Variants in THRB observed in about 807,000 individuals in gnomAD.
THRB encodes the protein nuclear receptor subfamily 1 group A member 2.
In THRB, 12 loss-of-function variants were observed where a neutral mutation model predicts 47.8. The observed-to-expected ratio is 0.25, with a 90% CI of 0.16 to 0.41. The LOEUF is 0.41. Among genes scored for constraint, THRB ranks in the 10% least tolerant of loss-of-function variants. The pLI is 1.00. For synonymous variants in THRB, 218 were observed against 212.2 expected, an observed-to-expected ratio of 1.03 and a Z score of -0.24; for missense variants, 348 against 589.2, an observed-to-expected ratio of 0.59 and a Z score of 4.24.
intron 1 of THRB, among the ~76,000 whole-genome samples, chr3:24,433,668 T>G (rs2070667133): frequency 6.6e-6 from 1 of 152,170 alleles, no homozygotes; most frequent in African/African-American, 2.4e-5. Flanking sequence ...ATTCACCATC[T>G]CATAGGGGTT....
At chr3:24,298,417 T>C (rs1241029500) in intron 2 of THRB, among the ~76,000 whole-genome samples, 1 of 152,222 alleles carries the variant, frequency 6.6e-6, no homozygotes, top group African/African-American at 2.4e-5. Flanking sequence ...TGCAGTAAAG[T>C]TGACTTAATT....
intron 2 of THRB, among the ~76,000 whole-genome samples, chr3:24,336,365 C>T (rs928396456): frequency 6.0e-4 from 92 of 152,330 alleles, no homozygotes; most frequent in African/African-American, 2.1e-3. Flanking sequence ...GCCTGGCTCC[C>T]GCAGCCAGTG....
chr3:24,390,150 G>A (rs917043780), intron 1 of THRB, among the ~76,000 whole-genome samples: 2 of 152,072 alleles, frequency 1.3e-5, no homozygotes, highest in African/African-American at 4.8e-5. Flanking sequence ...CCAGAGGAAG[G>A]GGGAAAAAGG....
At chr3:24,417,130 ACACACACACG>A (rs1222040712) in intron 1 of THRB, among the ~76,000 whole-genome samples, 6 of 71,370 alleles carry the variant, frequency 8.4e-5, no homozygotes, top group African/African-American at 2.1e-4. Flanking sequence ...ACACACACAC[ACACACACACG>A]CGCAACGCGT....
intron 1 of THRB, among the ~76,000 whole-genome samples, chr3:24,442,910 C>T (rs561034174): frequency 1.8e-4 from 28 of 152,052 alleles, no homozygotes; most frequent in Admixed American, 7.9e-4. Context: ...GTGCTGGGCA[C>T]GGTGGCTCAC....
chr3:24,285,616 C>A (rs1424671288), intron 3 of THRB, among the ~76,000 whole-genome samples: 1 of 151,818 alleles, frequency 6.6e-6, no homozygotes, highest in East Asian at 1.9e-4. Flanking sequence ...ATTTCTGATG[C>A]CATATTAATC....
At chr3:24,166,783 T>C (rs2039700405) in intron 5 of THRB, among the ~76,000 whole-genome samples, 1 of 152,194 alleles carries the variant, frequency 6.6e-6, no homozygotes, top group Admixed American at 6.5e-5. Flanking sequence ...TGTTGGTATT[T>C]GTCTCTAAAG....
intron 4 of THRB, among the ~76,000 whole-genome samples, chr3:24,196,427 T>A (rs1575775538): frequency 6.6e-6 from 1 of 152,224 alleles, no homozygotes; most frequent in African/African-American, 2.4e-5. Flanking sequence ...ATTGTTTTGA[T>A]GACCAAATAG....
rs1197877085 is a variant in THRB, at chr3:24,160,505, A to G, written c.284-8015T>C. The stretch of plus-strand genomic sequence containing the variant: ...CAGGTGTGTGGGGTGACTGCTCAAA[A>G]GCACATTCTGGGAGTCTCCAAGAGA... On this transcript the variant is annotated intron_variant, in intron 5 of 10. Transcript: ENST00000646209. 3.3e-5 allele frequency among the ~76,000 whole-genome samples: 5 copies of G among 152,306 alleles called. No individual in the cohort carries two copies. The East Asian group carries it at 9.6e-4, about 29-fold the overall frequency.
intron 1 of THRB, among the ~76,000 whole-genome samples, chr3:24,360,305 G>T (rs1404651559): frequency 6.6e-6 from 1 of 152,126 alleles, no homozygotes; most frequent in Admixed American, 6.6e-5. Context: ...CGAAAATGTA[G>T]CAAAGTCTAT....
chr3:24,317,426 C>A (rs558528659), intron 2 of THRB, among the ~76,000 whole-genome samples: 39 of 152,230 alleles, frequency 2.6e-4, no homozygotes, highest in Non-Finnish European at 5.3e-4. Flanking sequence ...TTCCCAACAC[C>A]ATCAGGACTC....
intron 3 of THRB, among the ~76,000 whole-genome samples, chr3:24,236,345 C>G (rs565301166): frequency 3.3e-5 from 5 of 152,276 alleles, no homozygotes; most frequent in African/African-American, 1.2e-4. Flanking sequence ...AAAGATAAAT[C>G]ACAATTCCTG....
intron 1 of THRB, among the ~76,000 whole-genome samples, chr3:24,356,584 C>A (rs1416414495): frequency 1.3e-5 from 2 of 152,074 alleles, no homozygotes; most frequent in East Asian, 1.9e-4. Flanking sequence ...TTGCTAAGAC[C>A]CCACTAGAAC....
rs1419914605 is a variant in THRB, at chr3:24,322,250, G to T, written c.-189+15050C>A. On this transcript the variant is annotated intron_variant, in intron 2 of 10. Coordinates refer to ENST00000646209, the MANE Select transcript of THRB (RefSeq NM_001354712.2). ...TTCACTTTGTCCCCTTAATCACTTA[G>T]CCAGGAAAATAAACCAGTAGTAGAA... 2.0e-5 allele frequency among the ~76,000 whole-genome samples: 3 copies of T among 152,106 alleles called. No individual in the cohort carries two copies. The East Asian group carries it at 5.8e-4, about 29-fold the overall frequency.
intron 5 of THRB, among the ~76,000 whole-genome samples, chr3:24,188,758 G>GCGCACA (rs113818561): frequency 2.0e-5 from 3 of 149,252 alleles, no homozygotes; most frequent in African/African-American, 7.5e-5. Flanking sequence ...GCACACACGT[G>GCGCACA]CACACACACA....
chr3:24,255,137 A>G (rs1020107076), intron 3 of THRB, among the ~76,000 whole-genome samples: 1 of 152,098 alleles, frequency 6.6e-6, no homozygotes, highest in South Asian at 2.1e-4. Context: ...TGGTTACTGG[A>G]AAGTCTGTAA....
At position 24,385,443 on chromosome 3, in the gene THRB, G is replaced by A. The variant is rs182354174; in HGVS notation, c.-260-48072C>T. ...CACACACACACACACACACACGCAC[G>A]GCATTTGTGCATGCTGAAGGAGCAA... On this transcript the variant is annotated intron_variant, in intron 1 of 10. Transcript: ENST00000646209. Among the ~76,000 whole-genome samples, 15 of 150,996 alleles carry A rather than the reference G, an allele frequency of 9.9e-5. No individual in the cohort carries two copies. In the East Asian group the frequency reaches 1.9e-3, roughly 20 times the overall value.
At chr3:24,292,060 C>T (rs2055978790) in intron 3 of THRB, among the ~76,000 whole-genome samples, 1 of 151,940 alleles carries the variant, frequency 6.6e-6, no homozygotes, top group Admixed American at 6.6e-5. Flanking sequence ...AAAAGAGTAA[C>T]ATAAAGTGAA....
At chr3:24,403,603 C>T (rs1487385202) in intron 1 of THRB, among the ~76,000 whole-genome samples, 3 of 151,906 alleles carry the variant, frequency 2.0e-5, no homozygotes, top group Admixed American at 1.3e-4. Context: ...GCGGCAGCAC[C>T]TGAACACGTA....
Sources: allele counts gnomAD v4.1 joint callset (sites outside exome capture counted in the v4.1 genomes callset), GRCh38; gene constraint gnomAD v4.1.1; transcripts MANE v1.5; gene names NCBI Gene and HGNC (gene_info 2026-07-23, HGNC 2026-07-21).